The following ANTXR2 variants were observed in gnomAD, a reference collection of about 807,000 sequenced individuals.
The protein encoded by ANTXR2 is ANTXR cell adhesion molecule 2.
Under a neutral mutation model 73.7 loss-of-function variants are expected in ANTXR2, and 44 were observed. The observed-to-expected ratio is 0.60, with a 90% CI of 0.47 to 0.77. The LOEUF (loss-of-function observed/expected upper bound fraction) is 0.77, where lower values mean the gene tolerates loss of function less well. Ranked by LOEUF, ANTXR2 falls within the 30% of genes least tolerant of loss-of-function variation. ANTXR2 has a pLI of 0.00. For synonymous variants in ANTXR2, 217 were observed against 205.9 expected (o/e 1.05, Z -0.46); for missense variants, 604 against 592.5 (o/e 1.02, Z -0.20).
intron 7 of ANTXR2, among the ~76,000 whole-genome samples, chr4:80,037,389 C>T (rs1733029846): frequency 6.6e-6 from 1 of 152,162 alleles, no homozygotes; most frequent in Non-Finnish European, 1.5e-5. Context: ...GCTGAATATA[C>T]ATCTCTGAAA....
Position 79,919,898 on chromosome 4 carries a change from TATATATATATATATATATATATAA to T in ANTXR2, c.1429-12455_1429-12432del, listed in dbSNP as rs1262024116. ...ATATATATATATATATATATATATA[TATATATATATATATATATATATAA>T]AAAATGATAGGGCAGACAAGTAATT... On this transcript the variant is annotated intron_variant, in intron 16 of 16. Transcript: ENST00000403729. Among the ~76,000 whole-genome samples, 161 of 16,678 alleles carry T rather than the reference TATATATATATATATATATATATAA, an allele frequency of 9.7e-3. 26 individuals carry two copies. Among genetic ancestry groups the T allele is most frequent in the East Asian group, 0.093 (106 of 1,142 alleles). 10.9% of individuals were successfully genotyped at this position (16,678 alleles called of 152,430 possible). A position where few individuals can be genotyped will look rare whatever the true frequency, so the allele number is the denominator to read the frequency against.
At chr4:80,060,793 G>T (rs1473770298) in intron 3 of ANTXR2, among the ~76,000 whole-genome samples, 2 of 152,044 alleles carry the variant, frequency 1.3e-5, no homozygotes, top group African/African-American at 4.8e-5. Flanking sequence ...CATCAACTGG[G>T]GTTCTTGGAA....
intron 16 of ANTXR2, among the ~76,000 whole-genome samples, chr4:79,957,311 A>T (rs1405459906): frequency 6.6e-6 from 1 of 151,880 alleles, no homozygotes; most frequent in Non-Finnish European, 1.5e-5. Flanking sequence ...ATCTTCAATA[A>T]TTAATTAATA....
intron 2 of ANTXR2, among the ~76,000 whole-genome samples, chr4:80,070,364 G>T (rs148097875): frequency 6.6e-6 from 1 of 152,342 alleles, no homozygotes; most frequent in African/African-American, 2.4e-5. Context: ...AGATCAATGA[G>T]TTAAGATAAG....
At chr4:80,023,303 T>C (rs1732261399) in intron 10 of ANTXR2, among the ~76,000 whole-genome samples, 2 of 152,224 alleles carry the variant, frequency 1.3e-5, no homozygotes, top group South Asian at 4.1e-4. Context: ...TATAGCTATG[T>C]TGAGCTCTGT....
chr4:79,904,161 G>A lies in ANTXR2; in HGVS notation c.*3268C>T, dbSNP rs1209614624. The A allele has an allele frequency of 6.6e-6, 1 of 152,022 alleles. No homozygotes were observed. Among genetic ancestry groups the A allele is most frequent in the Non-Finnish European group, 1.5e-5 (1 of 67,978 alleles). The allele number at this position is 152,022 out of a possible 1,614,324, so 9.4% of individuals were successfully genotyped here. A position where few individuals can be genotyped will look rare whatever the true frequency, so the allele number is the denominator to read the frequency against. ...GCCTCTGAGCAGTAAACAATGGTTA[G>A]TGATATTTAGATAATAAAGTTAACT... On this transcript the variant is annotated 3_prime_UTR_variant, in exon 17 of 17. Coordinates refer to ENST00000403729, the MANE Select transcript of ANTXR2 (RefSeq NM_058172.6).
At chr4:79,975,929 T>TC (rs1560925204) in intron 16 of ANTXR2, among the ~76,000 whole-genome samples, 1 of 151,574 alleles carries the variant, frequency 6.6e-6, no homozygotes, top group Non-Finnish European at 1.5e-5. Context: ...TTTTTTTTTT[T>TC]TGAGACGTAG....
chr4:79,999,835 A>G (rs1285325581), intron 12 of ANTXR2, among the ~76,000 whole-genome samples: 1 of 151,944 alleles, frequency 6.6e-6, no homozygotes, highest in Non-Finnish European at 1.5e-5. Context: ...AGGCAGGAGG[A>G]TCCCTTAAGC....
intron 16 of ANTXR2, among the ~76,000 whole-genome samples, chr4:79,924,821 C>T (rs1468912925): frequency 6.6e-6 from 1 of 152,022 alleles, no homozygotes; most frequent in East Asian, 1.9e-4. Flanking sequence ...CTTGAAAATA[C>T]ATCTTTGTTG....
In ANTXR2 at chr4:79,925,045, A is replaced by G. The variant is rs116146353; in HGVS notation, c.1429-17578T>C. On this transcript the variant is annotated intron_variant, in intron 16 of 16. Coordinates refer to ENST00000403729, the MANE Select transcript of ANTXR2 (RefSeq NM_058172.6). ...AAGATTTAAATGTGAAAGATCGGTC[A>G]TTCTAAATATGTATCATTGTATCTT... 7.8e-3 allele frequency among the ~76,000 whole-genome samples: 1,194 copies of G among 152,266 alleles called. 18 individuals are homozygous for G. Among genetic ancestry groups the G allele is most frequent in the African/African-American group, 0.028 (1,157 of 41,558 alleles).
At chr4:79,952,505 GA>G (rs1728744375) in intron 16 of ANTXR2, among the ~76,000 whole-genome samples, 1 of 151,708 alleles carries the variant, frequency 6.6e-6, no homozygotes, top group South Asian at 2.1e-4. Flanking sequence ...CAAAAATTTA[GA>G]AAAGTCAGAA....
intron 7 of ANTXR2, among the ~76,000 whole-genome samples, chr4:80,045,428 AT>A (rs1022960415): frequency 1.3e-5 from 2 of 151,710 alleles, no homozygotes; most frequent in African/African-American, 4.8e-5. Context: ...TTTGACACTG[AT>A]TTTGGATCTA....
chr4:80,020,121 T>C (rs1732086512), intron 10 of ANTXR2, among the ~76,000 whole-genome samples: 2 of 152,184 alleles, frequency 1.3e-5, no homozygotes, highest in Admixed American at 1.3e-4. Context: ...CTCACGCCTA[T>C]AGTCCCAGCC....
Position 79,978,029 on chromosome 4 carries a change from G to A in ANTXR2, c.1325C>T (p.Thr442Ile). 1 of 1,602,970 alleles carries A rather than the reference G, an allele frequency of 6.2e-7. No homozygotes were observed. The highest frequency in any genetic ancestry group is 1.4e-5 in the African/African-American group (1 of 73,926). ...TACCTTAATTGGGGTGTACCATTTT[G>A]TCTGAGGAGGCTGGTGTGTGGGTTT... ...RPKPTHQPPQ[T>I]KWYTPIKGRL... The change falls in exon 15 of 17, where the codon ACA becomes ATA. Residue 442 changes from threonine to isoleucine, a missense_variant. Thr to Ile is a moderately conservative substitution (Grantham distance 89). Transcript: ENST00000403729.
chr4:79,978,741 C>T (rs1034301408), intron 14 of ANTXR2, among the ~76,000 whole-genome samples: 1 of 152,102 alleles, frequency 6.6e-6, no homozygotes, highest in Non-Finnish European at 1.5e-5. Flanking sequence ...GGCAGGGATT[C>T]GAACATGGAT....
chr4:80,004,193 C>G lies in ANTXR2; in HGVS notation c.1041+4328G>C, dbSNP rs56383374. ...ATGCTGTATGATTCCATTTATATAACATTTTTGAAATAAAAAAATTATGAA... is the reference window on the plus strand; with the variant it reads ...ATGCTGTATGATTCCATTTATATAAGATTTTTGAAATAAAAAAATTATGAA... On this transcript the variant is annotated intron_variant, in intron 12 of 16. Coordinates refer to ENST00000403729, the MANE Select transcript of ANTXR2 (RefSeq NM_058172.6). Among the ~76,000 whole-genome samples, 130 of 150,644 alleles carry G rather than the reference C, an allele frequency of 8.6e-4. 1 individual carries two copies. Among genetic ancestry groups the G allele is most frequent in the African/African-American group, 3.0e-3 (125 of 41,064 alleles).
intron 16 of ANTXR2, among the ~76,000 whole-genome samples, chr4:79,928,287 T>C (rs1460992635): frequency 6.6e-6 from 1 of 152,124 alleles, no homozygotes; most frequent in Non-Finnish European, 1.5e-5. Context: ...ATCCCACTTA[T>C]ATGTGTTGCC....
intron 16 of ANTXR2, among the ~76,000 whole-genome samples, chr4:79,932,792 CAAAAAAAAA>C (rs57359650): frequency 2.7e-4 from 14 of 52,364 alleles, no homozygotes; most frequent in Admixed American, 1.4e-3. Flanking sequence ...AACTCCATCT[CAAAAAAAAA>C]AAAAAAAAAA....
rs1308089264 is a variant in ANTXR2 at position 80,072,663 on chromosome 4, G to A, written c.-103C>T. On this transcript the variant is annotated 5_prime_UTR_variant, in exon 1 of 17. Coordinates refer to ENST00000403729, the MANE Select transcript of ANTXR2 (RefSeq NM_058172.6). ...ACCCGGCACGCACTCTGGGGTGGGG[G>A]GCGGCGAGCAGCTGAGACGCCGGCG... The A allele has an allele frequency of 1.1e-5, 15 of 1,339,346 alleles. No individual in the cohort carries two copies. In the Admixed American group the frequency reaches 1.2e-4, roughly 10 times the overall value. 83.0% of individuals were successfully genotyped at this position (1,339,346 alleles called of 1,614,324 possible).
Sources: gnomAD v4.1 joint callset for allele counts (sites outside exome capture counted in the v4.1 genomes callset) on GRCh38, gnomAD v4.1.1 for gene constraint, MANE v1.5 for transcripts, NCBI Gene and HGNC (gene_info 2026-07-23, HGNC 2026-07-21) for gene names.